The following CFH variants were observed in gnomAD, a reference collection of about 807,000 sequenced individuals.
CFH encodes the protein complement factor H, also known as H factor 1 (complement).
In CFH, 53 loss-of-function variants were observed where a neutral mutation model predicts 147.3. The ratio of observed to expected loss-of-function variants is 0.36; its 90% CI spans 0.29 to 0.45. The LOEUF is 0.45. CFH is among the 20% of genes least tolerant of loss of function. The pLI, the probability that CFH is intolerant of heterozygous loss-of-function variation, is 1.00. For synonymous variants in CFH, 536 were observed against 489.4 expected, an observed-to-expected ratio of 1.10 and a Z score of -1.26; for missense variants, 1,380 against 1,498.0, an observed-to-expected ratio of 0.92 and a Z score of 1.30.
Position 196,697,797 on chromosome 1 carries a change from C to T in CFH, c.1336+7558C>T, listed in dbSNP as rs926141009. ...TAGACTGGATTAAGAAAATGTGGCACATATACACCATAGAATACTATGCAG... is the reference window on the plus strand; with the variant it reads ...TAGACTGGATTAAGAAAATGTGGCATATATACACCATAGAATACTATGCAG... On this transcript the variant is annotated intron_variant, in intron 9 of 21. Coordinates refer to ENST00000367429, the MANE Select transcript of CFH (RefSeq NM_000186.4). 2.6e-5 allele frequency among the ~76,000 whole-genome samples: 4 copies of T among 152,142 alleles called. No individual in the cohort carries two copies. In the East Asian group the frequency reaches 5.8e-4, roughly 22 times the overall value.
intron 1 of CFH, among the ~76,000 whole-genome samples, chr1:196,654,733 G>A (rs1023133239): frequency 7.2e-6 from 1 of 139,590 alleles, no homozygotes; most frequent in East Asian, 1.9e-4. Context: ...GTGTTGTTTG[G>A]GAGACATGTT....
At chr1:196,678,628 A>G (rs1381935695) in intron 5 of CFH, 1 of 152,048 alleles carries the variant, frequency 6.6e-6, no homozygotes, top group Non-Finnish European at 1.5e-5. Flanking sequence ...GATGGAATTT[A>G]CATCCTTACA....
chr1:196,714,666 TATAGAGAGAGAGAGAGAGAGAGAGAG>T (rs1668817729), intron 10 of CFH, among the ~76,000 whole-genome samples: 1 of 28,354 alleles, frequency 3.5e-5, no homozygotes, highest in East Asian at 1.4e-3. Context: ...TATATATATA[TATAGAGAGAGAGAGAGAGAGAGAGAG>T]AGAGAGAGAG....
intron 4 of CFH, among the ~76,000 whole-genome samples, chr1:196,676,520 G>A (rs1667461071): frequency 6.6e-6 from 1 of 151,998 alleles, no homozygotes; most frequent in Non-Finnish European, 1.5e-5. Flanking sequence ...CTGAAAAGAG[G>A]AATAAACTAA....
At chr1:196,741,246 G>T in intron 18 of CFH, 1 of 185,362 alleles carries the variant, frequency 5.4e-6, no homozygotes, top group Non-Finnish European at 1.1e-5. Context: ...CTGCTGTAAA[G>T]ACCTTCCTGA....
intron 1 of CFH, among the ~76,000 whole-genome samples, chr1:196,668,325 A>G (rs1430556563): frequency 1.3e-5 from 2 of 152,100 alleles, no homozygotes; most frequent in Non-Finnish European, 2.9e-5. Context: ...GTATATTTTC[A>G]CCATTTATAG....
chr1:196,711,489 G>A (rs1036770002), intron 9 of CFH, among the ~76,000 whole-genome samples: 3 of 151,962 alleles, frequency 2.0e-5, no homozygotes, highest in African/African-American at 7.3e-5. Flanking sequence ...ACTCCATTCT[G>A]TATTTTGGCT....
chr1:196,663,933 A>C (rs1666988345), intron 1 of CFH, among the ~76,000 whole-genome samples: 1 of 152,228 alleles, frequency 6.6e-6, no homozygotes, highest in African/African-American at 2.4e-5. Context: ...TGCAGAAAAA[A>C]ATTGGCTGCC....
intron 1 of CFH, among the ~76,000 whole-genome samples, chr1:196,671,537 G>A (rs1229838189): frequency 7.1e-6 from 1 of 141,008 alleles, no homozygotes; most frequent in East Asian, 2.1e-4. Flanking sequence ...AACCCTCTTG[G>A]GTTTTTAAAG....
chr1:196,659,491 G>A (rs926632895), intron 1 of CFH, among the ~76,000 whole-genome samples: 1 of 152,182 alleles, frequency 6.6e-6, no homozygotes, highest in African/African-American at 2.4e-5. Context: ...CAGCCTCAGA[G>A]GCACCTCTCC....
intron 13 of CFH, 43 bp from the exon 14 acceptor site, chr1:196,726,718 C>T (rs759786074): frequency 5.6e-6 from 9 of 1,603,612 alleles, no homozygotes; most frequent in African/African-American, 2.7e-5. Flanking sequence ...AAAACACATA[C>T]ATCATGTTTT....
At chr1:196,673,497 C>T (rs548685374) in intron 2 of CFH, 25 of 370,370 alleles carry the variant, frequency 6.8e-5, no homozygotes, top group Admixed American at 2.0e-4. Flanking sequence ...CCACCACGCC[C>T]GGCTAATTTT....
At position 196,674,211 on chromosome 1, in the gene CFH, T is replaced by C. The variant is rs56414408; in HGVS notation, c.350+249T>C. On this transcript the variant is annotated intron_variant, in intron 3 of 21. Coordinates refer to ENST00000367429, the MANE Select transcript of CFH (RefSeq NM_000186.4). The stretch of plus-strand genomic sequence containing the variant: ...ATTATGGGAGAGTGGGAAAACAGTA[T>C]GCACATATATAAGTATTCACCCAAC... Among the ~76,000 whole-genome samples the C allele has an allele frequency of 3.9e-5, 6 of 152,272 alleles. No individual in the cohort carries two copies. The South Asian group carries it at 6.2e-4, about 16-fold the overall frequency.
intron 1 of CFH, among the ~76,000 whole-genome samples, chr1:196,662,821 C>T (rs1218353359): frequency 6.6e-6 from 1 of 151,894 alleles, no homozygotes; most frequent in Non-Finnish European, 1.5e-5. Context: ...GTCAGGGTCG[C>T]AGCGAGCTAA....
At chr1:196,664,863 A>T (rs1667028104) in intron 1 of CFH, among the ~76,000 whole-genome samples, 1 of 152,060 alleles carries the variant, frequency 6.6e-6, no homozygotes, top group African/African-American at 2.4e-5. Context: ...TGTTACTTTT[A>T]AAAAATTGAA....
chr1:196,693,150 T>G (rs913436087), intron 9 of CFH, among the ~76,000 whole-genome samples: 1 of 152,018 alleles, frequency 6.6e-6, no homozygotes, highest in African/African-American at 2.4e-5. Context: ...TTCAATTTAA[T>G]AAAATCTAAA....
intron 3 of CFH, among the ~76,000 whole-genome samples, chr1:196,674,977 A>T (rs1167040867): frequency 1.3e-5 from 2 of 152,130 alleles, no homozygotes; most frequent in African/African-American, 4.8e-5. Context: ...CTTAGTCACT[A>T]CCTGAGGGAG....
At chr1:196,691,922 T>C (rs949541306) in intron 9 of CFH, among the ~76,000 whole-genome samples, 2 of 152,100 alleles carry the variant, frequency 1.3e-5, no homozygotes, top group Non-Finnish European at 2.9e-5. Flanking sequence ...TTCATGATAA[T>C]GGCTGTATTT....
At chr1:196,743,380 TG>T in intron 19 of CFH, 71 bp from the exon 20 acceptor site, 3 of 1,579,794 alleles carry the variant, frequency 1.9e-6, no homozygotes, top group Non-Finnish European at 1.7e-6. Flanking sequence ...GAAATATATT[TG>T]TAACTGTTAT....
Sources: allele counts gnomAD v4.1 joint callset (sites outside exome capture counted in the v4.1 genomes callset), GRCh38; gene constraint gnomAD v4.1.1; transcripts MANE v1.5; gene names NCBI Gene and HGNC (gene_info 2026-07-23, HGNC 2026-07-21).